FAAP100: variants seen among roughly 807,000 people sequenced by gnomAD.
The protein encoded by FAAP100 is FA core complex associated protein 100.
Under a neutral mutation model 65.8 loss-of-function variants are expected in FAAP100, and 46 were observed. The observed-to-expected ratio is 0.70, with a 90% CI of 0.55 to 0.89. FAAP100 has a LOEUF of 0.89. Ranked by LOEUF, FAAP100 falls within the 40% of genes least tolerant of loss-of-function variation. The pLI is 0.00. For synonymous variants in FAAP100, 663 were observed against 555.1 expected (o/e 1.19, Z -2.73); for missense variants, 1,165 against 1,196.7 (o/e 0.97, Z 0.39).
intron 2 of FAAP100, 48 bp downstream of exon 2, chr17:81,551,880 C>T (rs1040908821): frequency 1.0e-5 from 15 of 1,501,364 alleles, no homozygotes; most frequent in East Asian, 2.7e-5. Context: ...TGAAGCAGTC[C>T]GGGGGCAGCA....
At chr17:81,547,742 T>C (rs1418699750) in intron 4 of FAAP100, 64 bp from the exon 5 acceptor site, 1 of 1,564,808 alleles carries the variant, frequency 6.4e-7, no homozygotes, top group South Asian at 1.1e-5. Flanking sequence ...TGCCACATCT[T>C]GACTCAGGCC....
At chr17:81,545,632 G>A in intron 6 of FAAP100, 114 bp downstream of exon 6, 1 of 1,379,276 alleles carries the variant, frequency 7.3e-7, no homozygotes, top group South Asian at 1.5e-5. Context: ...GGGAAGCTTG[G>A]GAAAAGGCTG....
At chr17:81,551,899 C>A (rs1568101406) in intron 2 of FAAP100, 29 bp downstream of exon 2, 11 of 1,528,354 alleles carry the variant, frequency 7.2e-6, no homozygotes, top group Non-Finnish European at 9.6e-6. Context: ...CAGGAGTGTG[C>A]GGGAGGGAGG....
chr17:81,539,921 C>T lies in FAAP100; in HGVS notation c.*898G>A. Reference sequence around the variant, plus strand: ...GGACAGACAGGGTCGTTTGTCACAGCAGAGAAGCACCTCACGGCTCCTACC... The same window carrying T: ...GGACAGACAGGGTCGTTTGTCACAGTAGAGAAGCACCTCACGGCTCCTACC... On this transcript the variant is annotated 3_prime_UTR_variant, in exon 9 of 9. Coordinates refer to ENST00000327787, the MANE Select transcript of FAAP100 (RefSeq NM_025161.6). 2.5e-6 allele frequency: 1 copy of T among 398,822 alleles called. No homozygotes were observed. The highest frequency in any genetic ancestry group is 4.4e-6 in the Non-Finnish European group (1 of 226,148). The allele number at this position is 398,822 out of a possible 1,614,324, so 24.7% of individuals were successfully genotyped here. A position where few individuals can be genotyped will look rare whatever the true frequency, so the allele number is the denominator to read the frequency against.
chr17:81,544,171 C>G (rs1172162481), intron 6 of FAAP100, 51 bp from the exon 7 acceptor site: 5 of 1,473,994 alleles, frequency 3.4e-6, no homozygotes, highest in East Asian at 2.3e-5. Context: ...CCCACCTGCC[C>G]GGGGGGCTCA....
rs777507850 is a variant in FAAP100, at chr17:81,540,958, T to G, written c.2515-8A>C. The G allele has an allele frequency of 1.3e-6, 2 of 1,574,150 alleles. No homozygotes were observed. Among genetic ancestry groups the G allele is most frequent in the East Asian group, 4.5e-5 (2 of 44,068 alleles). ...CACCTCCCGCAGCAGTGTCTGCAGG[T>G]GAAGCAGACACAGCTCAGGCCCCCC... On this transcript the variant is annotated splice_region_variant and splice_polypyrimidine_tract_variant and intron_variant, in intron 8 of 8. Coordinates refer to ENST00000327787, the MANE Select transcript of FAAP100 (RefSeq NM_025161.6).
At chr17:81,547,928 G>A (rs2143952827) in intron 4 of FAAP100, 1 of 705,614 alleles carries the variant, frequency 1.4e-6, no homozygotes, top group East Asian at 2.7e-5. Context: ...GGAGGAAAGA[G>A]GACAGAGGAT....
chr17:81,543,625 A>T (rs2033194579), intron 7 of FAAP100, among the ~76,000 whole-genome samples: 1 of 152,060 alleles, frequency 6.6e-6, no homozygotes, highest in Non-Finnish European at 1.5e-5. Context: ...TCGTTCTAGG[A>T]TCCACGCCCA....
intron 8 of FAAP100, 151 bp downstream of exon 8, chr17:81,541,158 C>T (rs1259844039): frequency 7.4e-6 from 8 of 1,087,292 alleles, no homozygotes; most frequent in South Asian, 1.5e-5. Flanking sequence ...CAGGAAGAGC[C>T]ATGGCCGCTC....
chr17:81,546,314 G>A (rs776331189), intron 5 of FAAP100: 4 of 174,760 alleles, frequency 2.3e-5, no homozygotes, highest in South Asian at 3.0e-4. Flanking sequence ...CTGCACCTGC[G>A]ACACAGAGGG....
intron 6 of FAAP100, among the ~76,000 whole-genome samples, chr17:81,544,944 G>A (rs943008990): frequency 1.4e-4 from 22 of 152,260 alleles, no homozygotes; most frequent in African/African-American, 2.6e-4. Flanking sequence ...TGAGGTGGGC[G>A]GATCACCTGA....
intron 2 of FAAP100, among the ~76,000 whole-genome samples, chr17:81,551,575 G>A (rs532792399): frequency 1.3e-5 from 2 of 152,196 alleles, no homozygotes; most frequent in African/African-American, 4.8e-5. Context: ...GGTGTCCACT[G>A]ATCACTGACT....
intron 6 of FAAP100, among the ~76,000 whole-genome samples, chr17:81,545,288 AGT>A (rs2033258046): frequency 6.6e-6 from 1 of 152,228 alleles, no homozygotes; most frequent in Admixed American, 6.5e-5. Context: ...GGGACTTGAG[AGT>A]GTGCTGGAGG....
rs2033482868 is a variant in FAAP100 at position 81,551,180 on chromosome 17, TC to T, written c.313del (p.Asp105ThrfsTer11). The T allele has an allele frequency of 6.5e-7, 1 of 1,529,836 alleles. No individual in the cohort carries two copies. The highest frequency in any genetic ancestry group is 8.8e-7 in the Non-Finnish European group (1 of 1,132,578). The allele number at this position is 1,529,836 out of a possible 1,614,324, so 94.8% of individuals were successfully genotyped here. On this transcript the variant is annotated frameshift_variant, in exon 3 of 9. Coordinates refer to ENST00000327787, the MANE Select transcript of FAAP100 (RefSeq NM_025161.6). LOFTEE classifies it high-confidence loss of function. ...GGAAGGCTGGTCACCGTCCTCGCTG[TC>T]CCTGTCATCCTGGCTCGTAGACCTT... The part of the protein sequence containing the change: ...RSRSTSQDDR[D>X]SEDGDQPSPV...
At position 81,549,319 on chromosome 17, in the gene FAAP100, C is replaced by T. The variant is rs2033413572; in HGVS notation, c.1290G>A (p.Met430Ile). 6.2e-7 allele frequency: 1 copy of T among 1,612,308 alleles called. No homozygotes were observed. Among genetic ancestry groups the T allele is most frequent in the Non-Finnish European group, 8.5e-7 (1 of 1,179,656 alleles). ...LLALSAKGRL[M>I]TCSLDLDSEM... The stretch of plus-strand genomic sequence containing the variant: ...CAGAGTCCAGGTCCAGGCTGCAGGT[C>T]ATCAGGCGGCCTTTGGCGGACAGGG... Residue 430 changes from methionine (M) to isoleucine (I), a missense_variant, in exon 4 of 9, where the codon ATG (methionine) becomes ATA (isoleucine). Met to Ile is a conservative substitution (Grantham distance 10). Coordinates refer to ENST00000327787, the MANE Select transcript of FAAP100 (RefSeq NM_025161.6).
chr17:81,548,175 AC>A (rs2033378000), intron 4 of FAAP100: 1 of 594,472 alleles, frequency 1.7e-6, no homozygotes, highest in Non-Finnish European at 3.0e-6. Flanking sequence ...CGCTCTCGGG[AC>A]CCCAGTGGTT....
In FAAP100 at chr17:81,541,496, C is replaced by T. The variant is rs2033094871; in HGVS notation, c.2428-101G>A. 1.7e-5 allele frequency: 18 copies of T among 1,035,834 alleles called. No homozygotes were observed. The South Asian group carries it at 2.1e-4, about 12-fold the overall frequency. The allele number at this position is 1,035,834 out of a possible 1,614,324, so 64.2% of individuals were successfully genotyped here. On this transcript the variant is annotated intron_variant, in intron 7 of 8. Transcript: ENST00000327787. ...CTCTCCCTCGAGCTGCCTGGTGCTGCCTCCCTGCCTGGCACCCCTCCCCAC... is the reference window on the plus strand; with the variant it reads ...CTCTCCCTCGAGCTGCCTGGTGCTGTCTCCCTGCCTGGCACCCCTCCCCAC...
At chr17:81,548,315 G>A in intron 4 of FAAP100, 1 of 383,292 alleles carries the variant, frequency 2.6e-6, no homozygotes, top group Non-Finnish European at 4.8e-6. Context: ...ACTCAGCAGG[G>A]GACGTCTCCC....
intron 6 of FAAP100, among the ~76,000 whole-genome samples, chr17:81,545,459 C>T (rs536110944): frequency 1.3e-5 from 2 of 152,354 alleles, no homozygotes; most frequent in African/African-American, 4.8e-5. Flanking sequence ...TTGGTGGCAG[C>T]ACTGTGGAAC....
Sources: gnomAD v4.1 joint callset for allele counts (sites outside exome capture counted in the v4.1 genomes callset) on GRCh38, gnomAD v4.1.1 for gene constraint, MANE v1.5 for transcripts, NCBI Gene and HGNC (gene_info 2026-07-23, HGNC 2026-07-21) for gene names.